The following SORBS2 variants were observed in gnomAD, a reference collection of about 807,000 sequenced individuals.
SORBS2 encodes the protein sorbin and SH3 domain-containing protein 2.
Under a neutral mutation model 97.7 loss-of-function variants are expected in SORBS2, and 46 were observed. That is an observed-to-expected ratio of 0.47 (90% confidence interval 0.37 to 0.60). The LOEUF is 0.60. Ranked by LOEUF, SORBS2 falls within the 20% of genes least tolerant of loss-of-function variation. SORBS2 has a pLI of 0.00. For synonymous variants in SORBS2, 476 were observed against 473.4 expected, an observed-to-expected ratio of 1.01 and a Z score of -0.07; for missense variants, 1,316 against 1,282.3, an observed-to-expected ratio of 1.03 and a Z score of -0.40.
At chr4:185,603,684 G>A (rs1205217497) in intron 12 of SORBS2, among the ~76,000 whole-genome samples, 2 of 152,162 alleles carry the variant, frequency 1.3e-5, no homozygotes, top group Non-Finnish European at 2.9e-5. Flanking sequence ...GGATCATTCT[G>A]AACATAGAAG....
chr4:185,634,136 T>C (rs1226005278), intron 4 of SORBS2, among the ~76,000 whole-genome samples: 1 of 152,200 alleles, frequency 6.6e-6, no homozygotes, highest in Non-Finnish European at 1.5e-5. Flanking sequence ...ATTTAATATA[T>C]AAATATTTTG....
chr4:185,703,434 T>A (rs2098294516), intron 2 of SORBS2, among the ~76,000 whole-genome samples: 1 of 152,138 alleles, frequency 6.6e-6, no homozygotes, highest in Non-Finnish European at 1.5e-5. Flanking sequence ...AAATATTACG[T>A]TTTTGCATAG....
chr4:185,668,752 C>T (rs996105288), intron 4 of SORBS2, among the ~76,000 whole-genome samples: 1 of 152,156 alleles, frequency 6.6e-6, no homozygotes, highest in Non-Finnish European at 1.5e-5. Flanking sequence ...TCATGAGTGG[C>T]AAGTAGATGA....
intron 2 of SORBS2, among the ~76,000 whole-genome samples, chr4:185,694,345 C>T (rs552717873): frequency 4.5e-4 from 68 of 152,274 alleles, no homozygotes; most frequent in African/African-American, 1.4e-3. Flanking sequence ...GGAATTGAAC[C>T]AGGGACGAGA....
intron 9 of SORBS2, among the ~76,000 whole-genome samples, chr4:185,615,513 ATT>A (rs544439736): frequency 2.8e-5 from 4 of 143,214 alleles, no homozygotes; most frequent in Admixed American, 7.0e-5. Context: ...TTCTGCACTG[ATT>A]TTTTTTTTTT....
At chr4:185,787,743 G>A (rs955763664) in intron 1 of SORBS2, among the ~76,000 whole-genome samples, 9 of 152,122 alleles carry the variant, frequency 5.9e-5, no homozygotes, top group African/African-American at 1.9e-4. Flanking sequence ...GATTGTGGGC[G>A]GGCAGGTTTC....
intron 4 of SORBS2, among the ~76,000 whole-genome samples, chr4:185,642,021 A>G (rs1405487393): frequency 6.6e-6 from 1 of 152,198 alleles, no homozygotes; most frequent in African/African-American, 2.4e-5. Context: ...AAACAAAAAG[A>G]AGTGCCAGGG....
At chr4:185,767,785 C>T (rs565287537) in intron 2 of SORBS2, among the ~76,000 whole-genome samples, 2 of 152,274 alleles carry the variant, frequency 1.3e-5, no homozygotes, top group East Asian at 1.9e-4. Flanking sequence ...GTCTGTCCAG[C>T]GTTTCATTTC....
At chr4:185,788,747 G>A (rs886862975) in intron 1 of SORBS2, among the ~76,000 whole-genome samples, 1 of 152,198 alleles carries the variant, frequency 6.6e-6, no homozygotes, top group Non-Finnish European at 1.5e-5. Context: ...AAGAGAAGAA[G>A]GAATTGGAAA....
At chr4:185,873,188 A>G (rs1222281978) in intron 1 of SORBS2, among the ~76,000 whole-genome samples, 1 of 152,222 alleles carries the variant, frequency 6.6e-6, no homozygotes, top group African/African-American at 2.4e-5. Flanking sequence ...AGAATTCCTC[A>G]TCTGGTATGT....
intron 2 of SORBS2, among the ~76,000 whole-genome samples, chr4:185,715,357 C>T (rs2098457236): frequency 6.6e-6 from 1 of 152,086 alleles, no homozygotes; most frequent in Non-Finnish European, 1.5e-5. Flanking sequence ...CCAAGAAACA[C>T]CACTCCTGTA....
chr4:185,781,226 G>A (rs565155028), intron 1 of SORBS2, among the ~76,000 whole-genome samples: 2 of 152,280 alleles, frequency 1.3e-5, no homozygotes, highest in Non-Finnish European at 1.5e-5. Context: ...CATGAGCCAC[G>A]GCGCCCAGCC....
chr4:185,684,659 C>G lies in SORBS2; in HGVS notation c.-197-5837G>C, dbSNP rs1228918458. ...ACATTTAAAATGTTTCCTACAAGATCTCATTTTCCTTTGCTTTTTACGTTT... is the reference window on the plus strand; with the variant it reads ...ACATTTAAAATGTTTCCTACAAGATGTCATTTTCCTTTGCTTTTTACGTTT... On this transcript the variant is annotated intron_variant, in intron 2 of 20. Transcript: ENST00000284776. The surrounding 1 kb of genome is among the most constrained non-coding windows in gnomAD (Gnocchi z 4.2). The G allele has an allele frequency of 3.4e-6, 3 of 894,006 alleles. No individual in the cohort carries two copies. The African/African-American group carries it at 5.1e-5, about 15-fold the overall frequency. 55.4% of individuals were successfully genotyped at this position (894,006 alleles called of 1,614,324 possible).
intron 1 of SORBS2, among the ~76,000 whole-genome samples, chr4:185,842,930 T>TA (rs56193107): frequency 0.011 from 1,359 of 122,346 alleles, 28 homozygotes; most frequent in African/African-American, 0.037. Flanking sequence ...AAAGACTGTC[T>TA]AAAAAAAAAA....
At chr4:185,637,517 C>T (rs1004592885) in intron 4 of SORBS2, among the ~76,000 whole-genome samples, 1 of 152,188 alleles carries the variant, frequency 6.6e-6, no homozygotes, top group African/African-American at 2.4e-5. Flanking sequence ...GTGAGAACTG[C>T]CCAGAGATTT....
chr4:185,778,057 T>C (rs2099008692), intron 1 of SORBS2, among the ~76,000 whole-genome samples: 1 of 152,240 alleles, frequency 6.6e-6, no homozygotes, highest in African/African-American at 2.4e-5. Context: ...TGTGTTGAAA[T>C]GACAGTATTT....
chr4:185,854,006 G>C (rs538831724), intron 1 of SORBS2, among the ~76,000 whole-genome samples: 1 of 152,174 alleles, frequency 6.6e-6, no homozygotes, highest in Non-Finnish European at 1.5e-5. Flanking sequence ...TACTCCATAC[G>C]TGAATCATCC....
rs572631805 is a variant in SORBS2 at position 185,814,362 on chromosome 4, A to C, written c.-337-38996T>G. ...TCTAGGCAACAGACTGCATCTCTAC[A>C]AAAAAAAAAAAAATCAAACAAACAA... On this transcript the variant is annotated intron_variant, in intron 1 of 20. Transcript: ENST00000284776. Among the ~76,000 whole-genome samples, 9 of 134,424 alleles carry C rather than the reference A, an allele frequency of 6.7e-5. No homozygotes were observed. In the East Asian group the frequency reaches 1.5e-3, roughly 23 times the overall value. The allele number at this position is 134,424 out of a possible 152,430, so 88.2% of individuals were successfully genotyped here.
At chr4:185,804,497 G>T (rs149269350) in intron 1 of SORBS2, among the ~76,000 whole-genome samples, 2 of 152,136 alleles carry the variant, frequency 1.3e-5, no homozygotes, top group Non-Finnish European at 2.9e-5. Flanking sequence ...AAGACAAAGC[G>T]ATTCAATGTT....
Sources: gnomAD v4.1 joint callset for allele counts (sites outside exome capture counted in the v4.1 genomes callset) on GRCh38, gnomAD v4.1.1 for gene constraint, Gnocchi (gnomAD v3.1) non-coding constraint, MANE v1.5 for transcripts, NCBI Gene and HGNC (gene_info 2026-07-23, HGNC 2026-07-21) for gene names.